The following LRRIQ1 variants were observed in gnomAD, a reference collection of about 807,000 sequenced individuals.
LRRIQ1 encodes the protein leucine-rich repeat- and IQ domain-containing protein 1.
LRRIQ1 carries 210 observed loss-of-function variants against 211.9 expected under a neutral mutation model. The observed-to-expected ratio is 0.99, with a 90% confidence interval of 0.89 to 1.11. The LOEUF (loss-of-function observed/expected upper bound fraction) is 1.11. LRRIQ1 is among the 50% of genes most tolerant of loss of function. The probability of loss-of-function intolerance (pLI) is 0.00; values close to 1 mark genes in which losing one functional copy is unlikely to be tolerated. For missense variants in LRRIQ1, 2,136 were observed against 1,939.5 expected (o/e 1.10, Z -1.90); for synonymous variants, 699 against 650.1 (o/e 1.08, Z -1.14).
intron 24 of LRRIQ1, among the ~76,000 whole-genome samples, chr12:85,192,418 A>G (rs1380948487): frequency 1.5e-5 from 2 of 134,676 alleles, no homozygotes; most frequent in Non-Finnish European, 3.1e-5. Flanking sequence ...ATAATTATAT[A>G]CATTTATATA....
chr12:85,115,150 T>C (rs994804694), intron 15 of LRRIQ1, among the ~76,000 whole-genome samples: 1 of 152,206 alleles, frequency 6.6e-6, no homozygotes, highest in African/African-American at 2.4e-5. Context: ...AAATGAAATA[T>C]TGGTTCAGCC....
intron 26 of LRRIQ1, among the ~76,000 whole-genome samples, chr12:85,242,916 G>A (rs1895529281): frequency 6.6e-6 from 1 of 151,736 alleles, no homozygotes; most frequent in Non-Finnish European, 1.5e-5. Flanking sequence ...TTACTTAGAT[G>A]ATAATAAATT....
intron 14 of LRRIQ1, among the ~76,000 whole-genome samples, chr12:85,105,794 C>CTTTTT (rs762864249): frequency 1.7e-5 from 1 of 59,170 alleles, no homozygotes; most frequent in African/African-American, 8.1e-5. Context: ...TTCTTTCTTT[C>CTTTTT]TATTTTTTTT....
intron 3 of LRRIQ1, among the ~76,000 whole-genome samples, chr12:85,041,949 A>G (rs1253575873): frequency 6.6e-6 from 1 of 151,918 alleles, no homozygotes; most frequent in African/African-American, 2.4e-5. Context: ...AGGTGGCTCC[A>G]AGAATTTTGT....
At chr12:85,097,092 G>T (rs1006419620) in intron 11 of LRRIQ1, among the ~76,000 whole-genome samples, 2 of 152,108 alleles carry the variant, frequency 1.3e-5, no homozygotes, top group African/African-American at 4.8e-5. Flanking sequence ...AGACAGATGG[G>T]TCTTGTTTTT....
At chr12:85,055,218 C>A (rs902524084) in intron 7 of LRRIQ1, among the ~76,000 whole-genome samples, 1 of 151,828 alleles carries the variant, frequency 6.6e-6, no homozygotes, top group Non-Finnish European at 1.5e-5. Flanking sequence ...CCTGTGGTTT[C>A]CCTTTTGTTG....
chr12:85,223,599 A>C (rs1894508212), intron 24 of LRRIQ1, among the ~76,000 whole-genome samples: 1 of 152,186 alleles, frequency 6.6e-6, no homozygotes, highest in Non-Finnish European at 1.5e-5. Flanking sequence ...AAATACCTAT[A>C]AATTATGAGA....
intron 24 of LRRIQ1, among the ~76,000 whole-genome samples, chr12:85,190,389 G>A (rs1006170882): frequency 2.1e-5 from 3 of 144,830 alleles, no homozygotes; most frequent in Non-Finnish European, 3.0e-5. Flanking sequence ...TACAGTTAAT[G>A]TATATCATTA....
At chr12:85,099,024 T>C (rs1886138665) in intron 13 of LRRIQ1, 30 bp downstream of exon 13, 1 of 1,426,730 alleles carries the variant, frequency 7.0e-7, no homozygotes, top group Non-Finnish European at 9.5e-7. Context: ...ATAAATTCAG[T>C]GAATGATTGT....
At chr12:85,076,509 A>C (rs753848166) in intron 11 of LRRIQ1, 1 of 323,276 alleles carries the variant, frequency 3.1e-6, no homozygotes, top group Non-Finnish European at 4.4e-6. Flanking sequence ...AAAAATTATC[A>C]TGTAAATAGT....
At chr12:85,250,036 C>A (rs1012201730), downstream of LRRIQ1, among the ~76,000 whole-genome samples, 1 of 151,508 alleles carries the variant, frequency 6.6e-6, no homozygotes, top group Non-Finnish European at 1.5e-5. Flanking sequence ...TACAGGGAAG[C>A]AGGGAGTTTA....
At chr12:85,138,641 C>CT (rs965048737) in intron 19 of LRRIQ1, among the ~76,000 whole-genome samples, 20 of 151,486 alleles carry the variant, frequency 1.3e-4, no homozygotes, top group African/African-American at 3.9e-4. Flanking sequence ...TGCCTTAAAA[C>CT]TTTTTTGTAA....
intron 24 of LRRIQ1, among the ~76,000 whole-genome samples, chr12:85,174,465 G>C (rs1288242866): frequency 1.3e-5 from 2 of 151,544 alleles, no homozygotes; most frequent in Non-Finnish European, 2.9e-5. Context: ...GGAGGCCAAG[G>C]TGGGCAGATA....
At chr12:85,252,111 A>T (rs1401866091) in intron 1 of LRRIQ1, among the ~76,000 whole-genome samples, 1 of 151,922 alleles carries the variant, frequency 6.6e-6, no homozygotes, top group Non-Finnish European at 1.5e-5. Context: ...TATATGTGAG[A>T]TATTACAGCT....
chr12:85,054,667 T>TG (rs1336642087), intron 7 of LRRIQ1, among the ~76,000 whole-genome samples: 1 of 152,100 alleles, frequency 6.6e-6, no homozygotes, highest in Non-Finnish European at 1.5e-5. Context: ...TTTTTTTAAG[T>TG]AATCAGCTAT....
Position 85,124,575 on chromosome 12 carries a change from A to G in LRRIQ1, c.4007+56A>G, listed in dbSNP as rs539791347. 65 of 1,301,310 alleles carry G rather than the reference A, an allele frequency of 5.0e-5. No homozygotes were observed. In the East Asian group the frequency reaches 1.5e-3, roughly 30 times the overall value. The allele number at this position is 1,301,310 out of a possible 1,614,324, so 80.6% of individuals were successfully genotyped here. ...GATGTATGTTTACTCCTTTTGATGG[A>G]TGATATTAGTCAATGGTACCTAGTA... On this transcript the variant is annotated intron_variant, in intron 17 of 26. Transcript: ENST00000393217.
intron 10 of LRRIQ1, among the ~76,000 whole-genome samples, chr12:85,070,496 T>C (rs1417371261): frequency 6.6e-6 from 1 of 151,998 alleles, no homozygotes; most frequent in Non-Finnish European, 1.5e-5. Flanking sequence ...CAGGGCTAAA[T>C]GCTTACTATT....
At chr12:85,089,309 G>A (rs1756570612) in intron 11 of LRRIQ1, among the ~76,000 whole-genome samples, 2 of 152,160 alleles carry the variant, frequency 1.3e-5, no homozygotes, top group Admixed American at 1.3e-4. Flanking sequence ...AAGAAGAGGG[G>A]CATTGCTATA....
At chr12:85,074,983 A>C (rs575437267) in intron 11 of LRRIQ1, among the ~76,000 whole-genome samples, 1 of 152,078 alleles carries the variant, frequency 6.6e-6, no homozygotes, top group East Asian at 1.9e-4. Flanking sequence ...AAACTAAATT[A>C]ATTTTGAATA....
Sources: gnomAD v4.1 joint callset for allele counts (sites outside exome capture counted in the v4.1 genomes callset) on GRCh38, gnomAD v4.1.1 for gene constraint, MANE v1.5 for transcripts, NCBI Gene and HGNC (gene_info 2026-07-23, HGNC 2026-07-21) for gene names.